PCDHGB1: variants seen among roughly 807,000 people sequenced by gnomAD.
PCDHGB1 encodes protocadherin gamma subfamily B, 1.
PCDHGB1 carries 34 observed loss-of-function variants against 56.6 expected under a neutral mutation model. The observed-to-expected ratio is 0.60, with a 90% confidence interval of 0.46 to 0.80. The LOEUF (loss-of-function observed/expected upper bound fraction) is 0.80, where lower values mean the gene tolerates loss of function less well. Ranked by LOEUF, PCDHGB1 falls within the 30% of genes least tolerant of loss-of-function variation. The pLI, the probability that PCDHGB1 is intolerant of heterozygous loss-of-function variation, is 0.00. For missense variants in PCDHGB1, 1,278 were observed against 1,204.6 expected (o/e 1.06, Z -0.90); for synonymous variants, 561 against 505.9 (o/e 1.11, Z -1.46).
In PCDHGB1 at chr5:141,511,284, G is replaced by A; in HGVS notation, c.*111G>A. Reference sequence around the variant, plus strand: ...AGGGCTAACCCCCAGAATACTGGTAGGGGCCAAGGCCATGCTCCCCTTGGG... The same window carrying A: ...AGGGCTAACCCCCAGAATACTGGTAAGGGCCAAGGCCATGCTCCCCTTGGG... On this transcript the variant is annotated 3_prime_UTR_variant, in exon 4 of 4. Coordinates refer to ENST00000523390, the MANE Select transcript of PCDHGB1 (RefSeq NM_018922.3). 6.5e-7 allele frequency: 1 copy of A among 1,528,376 alleles called. No individual in the cohort carries two copies. The highest frequency in any genetic ancestry group is 1.4e-5 in the African/African-American group (1 of 72,796). The allele number at this position is 1,528,376 out of a possible 1,614,324, so 94.7% of individuals were successfully genotyped here.
chr5:141,405,760 G>T (rs1048838050), intron 1 of PCDHGB1, among the ~76,000 whole-genome samples: 2 of 152,148 alleles, frequency 1.3e-5, no homozygotes, highest in East Asian at 3.9e-4. Context: ...TTACAGGCGT[G>T]AGCCACTGCG....
chr5:141,403,775 G>A (rs760589412), intron 1 of PCDHGB1: 2 of 1,613,866 alleles, frequency 1.2e-6, no homozygotes, highest in Admixed American at 1.7e-5. Context: ...GGGAATCAAC[G>A]GAAAAGTGGC....
At chr5:141,399,372 T>C (rs1333971188) in intron 1 of PCDHGB1, 8 of 1,613,970 alleles carry the variant, frequency 5.0e-6, no homozygotes, top group Non-Finnish European at 6.8e-6. Flanking sequence ...CGGAGTACAA[T>C]GTCACCATCA....
chr5:141,402,352 T>G (rs949706048), intron 1 of PCDHGB1, among the ~76,000 whole-genome samples: 1 of 151,978 alleles, frequency 6.6e-6, no homozygotes, highest in Non-Finnish European at 1.5e-5. Flanking sequence ...AAATTAAAAA[T>G]GAATGTACTT....
intron 1 of PCDHGB1, chr5:141,393,489 G>C: frequency 6.2e-7 from 1 of 1,614,062 alleles, no homozygotes; most frequent in Non-Finnish European, 8.5e-7. Flanking sequence ...CTCTAGCACA[G>C]TGCGCATCCA....
chr5:141,411,544 AC>A (rs2095497010), intron 1 of PCDHGB1: 1 of 152,298 alleles, frequency 6.6e-6, no homozygotes. Context: ...TGATCTTGCC[AC>A]TGCACTCCAG....
At chr5:141,378,751 G>T (rs72790019) in intron 1 of PCDHGB1, 22 of 152,014 alleles carry the variant, frequency 1.4e-4, no homozygotes, top group Non-Finnish European at 5.9e-5. Flanking sequence ...AAGAAAAAAG[G>T]GATTATCATT....
chr5:141,468,860 C>A (rs941902317), intron 1 of PCDHGB1, among the ~76,000 whole-genome samples: 16 of 151,980 alleles, frequency 1.1e-4, no homozygotes, highest in Admixed American at 4.6e-4. Context: ...AGCGAGACTC[C>A]ATCTCAAAAA....
Position 141,486,971 on chromosome 5 carries a change from T to G in PCDHGB1, c.2410-7836T>G. ...AAAGGTGACTGCTGTGGACTTGGAT[T>G]CAGGTTACAATGCTTGGGTTTCCTA... On this transcript the variant is annotated intron_variant, in intron 1 of 3. Transcript: ENST00000523390. The surrounding 1 kb of genome is among the most constrained non-coding windows in gnomAD (Gnocchi z 5.0). The G allele has an allele frequency of 6.2e-7, 1 of 1,614,220 alleles. No homozygotes were observed. The highest frequency in any genetic ancestry group is 8.5e-7 in the Non-Finnish European group (1 of 1,180,042).
At chr5:141,392,694 CCT>C in intron 1 of PCDHGB1, 4 of 1,186,390 alleles carry the variant, frequency 3.4e-6, no homozygotes, top group Non-Finnish European at 4.6e-6. Flanking sequence ...AAACCCGACC[CCT>C]GTTTGGAGGC....
At chr5:141,419,051 T>A (rs1007349455) in intron 1 of PCDHGB1, 6 of 1,613,950 alleles carry the variant, frequency 3.7e-6, no homozygotes, top group East Asian at 2.2e-5. Context: ...TCATTCTTCT[T>A]CTAATAATTA....
At chr5:141,366,885 T>A (rs1764844821) in intron 1 of PCDHGB1, 3 of 1,309,884 alleles carry the variant, frequency 2.3e-6, no homozygotes, top group African/African-American at 1.5e-5. Flanking sequence ...TTAATTTTTT[T>A]TATATAATTC....
chr5:141,355,126 C>G (rs1237707047), intron 1 of PCDHGB1: 10 of 1,516,436 alleles, frequency 6.6e-6, no homozygotes, highest in African/African-American at 4.2e-5. Flanking sequence ...TATTTTGGAC[C>G]CAGAAGATCC....
intron 1 of PCDHGB1, chr5:141,398,400 C>T: frequency 6.8e-7 from 1 of 1,465,224 alleles, no homozygotes; most frequent in Non-Finnish European, 9.5e-7. Context: ...GCAGGCTAGA[C>T]AGGGAGGAGA....
chr5:141,357,517 C>T (rs1051091923), intron 1 of PCDHGB1: 6 of 1,614,246 alleles, frequency 3.7e-6, no homozygotes, highest in Non-Finnish European at 5.1e-6. Flanking sequence ...CTTCTCCCAA[C>T]CCAGCTATGC....
At chr5:141,367,133 A>G (rs1764963646) in intron 1 of PCDHGB1, 1 of 207,884 alleles carries the variant, frequency 4.8e-6, no homozygotes, top group Non-Finnish European at 9.7e-6. Context: ...GTGTTTTGGA[A>G]AGGATAATGT....
chr5:141,382,789 T>A, intron 1 of PCDHGB1: 1 of 924,650 alleles, frequency 1.1e-6, no homozygotes, highest in Non-Finnish European at 1.6e-6. Flanking sequence ...CAAGCCTCTA[T>A]CCTGCTGGAT....
rs760555793 is a variant in PCDHGB1, at chr5:141,351,901, G to C, written c.1641G>C (p.Leu547Phe). The C allele has an allele frequency of 6.2e-7, 1 of 1,613,280 alleles. No individual in the cohort carries two copies. The highest frequency in any genetic ancestry group is 1.3e-5 in the African/African-American group (1 of 74,916). The change falls in exon 1 of 4, where the codon TTG becomes TTC. Residue 547 changes from leucine to phenylalanine, a missense_variant. Leu to Phe is a conservative substitution (Grantham distance 22). Transcript: ENST00000523390. Reference protein sequence around the residue: ...ALSANVSLRVLVGDLNDNAPR... With the variant: ...ALSANVSLRVFVGDLNDNAPR... ...GCGCCAACGTGAGCCTGCGCGTGTTGGTGGGCGACCTCAATGACAATGCGC... is the reference window on the plus strand; with the variant it reads ...GCGCCAACGTGAGCCTGCGCGTGTTCGTGGGCGACCTCAATGACAATGCGC...
At chr5:141,427,803 G>A (rs781324396) in intron 1 of PCDHGB1, 2 of 1,511,804 alleles carry the variant, frequency 1.3e-6, no homozygotes, top group Admixed American at 1.7e-5. Context: ...GTCCGTGAGC[G>A]CACAGAGCGG....
Sources: allele counts gnomAD v4.1 joint callset (sites outside exome capture counted in the v4.1 genomes callset), GRCh38; gene constraint gnomAD v4.1.1; non-coding constraint Gnocchi (gnomAD v3.1); transcripts MANE v1.5; gene names NCBI Gene and HGNC (gene_info 2026-07-23, HGNC 2026-07-21).